ADCY6: variants seen among roughly 807,000 people sequenced by gnomAD.
ADCY6 encodes adenylate cyclase type 6.
ADCY6 carries 59 observed loss-of-function variants against 111.6 expected under a neutral mutation model. The ratio of observed to expected loss-of-function variants is 0.53; its 90% confidence interval spans 0.43 to 0.66. The LOEUF (loss-of-function observed/expected upper bound fraction) is 0.66, where lower values mean the gene tolerates loss of function less well. ADCY6 is among the 30% of genes least tolerant of loss of function. The pLI, the probability that ADCY6 is intolerant of heterozygous loss-of-function variation, is 0.00. For missense variants in ADCY6, 1,242 were observed against 1,595.6 expected (o/e 0.78, Z 3.78); for synonymous variants, 576 against 642.9 (o/e 0.90, Z 1.57).
At chr12:48,783,498 A>T (rs1941911438) in intron 1 of ADCY6, 60 bp from the exon 2 acceptor site, 1 of 1,605,226 alleles carries the variant, frequency 6.2e-7, no homozygotes, top group African/African-American at 1.3e-5. Flanking sequence ...TATTAATACC[A>T]CCATCACAGC....
chr12:48,769,224 A>G (rs1190571881), intron 20 of ADCY6, among the ~76,000 whole-genome samples, 163 bp from the exon 21 acceptor site: 1 of 152,042 alleles, frequency 6.6e-6, no homozygotes, highest in Non-Finnish European at 1.5e-5. Context: ...CCTGGCCAAC[A>G]TGGTGAAACC....
chr12:48,774,486 G>A lies in ADCY6; in HGVS notation c.2199C>T (p.Arg733=). ...LFPKALQRLS[R]SIVRSRAHST... ...TATGTGCCCGTGAGCGGACAATGCT[G>A]CGGGACAGACGTTGCAGGGCCTTAG... The change falls in exon 14 of 22, where the codon CGC becomes CGT. Residue 733 remains arginine (R), a synonymous_variant. Transcript: ENST00000357869. 1 of 1,614,008 alleles carries A rather than the reference G, an allele frequency of 6.2e-7. No individual in the cohort carries two copies. Among genetic ancestry groups the A allele is most frequent in the Non-Finnish European group, 8.5e-7 (1 of 1,179,990 alleles).
chr12:48,772,364 C>T lies in ADCY6; in HGVS notation c.2718G>A (p.Ala906=). Residue 906 remains alanine, a synonymous_variant, in exon 18 of 22, where the codon GCG becomes GCA. Coordinates refer to ENST00000357869, the MANE Select transcript of ADCY6 (RefSeq NM_015270.5). ...GCTGAGCATGCAGATACAGCGCCAG[C>T]GCAAACACCAGCAGAATCACAGGGG... ...YMTPVILLVF[A]LALYLHAQQV... The T allele has an allele frequency of 6.2e-7, 1 of 1,614,196 alleles. No homozygotes were observed. The highest frequency in any genetic ancestry group is 8.5e-7 in the Non-Finnish European group (1 of 1,180,028).
At chr12:48,778,377 G>A (rs1941762496) in intron 2 of ADCY6, 120 bp from the exon 3 acceptor site, 1 of 1,304,224 alleles carries the variant, frequency 7.7e-7, no homozygotes, top group Non-Finnish European at 1.1e-6. Context: ...CCTGCACCCT[G>A]TCTGTCCCCA....
Position 48,771,027 on chromosome 12 carries a change from C to T in ADCY6, c.3052-57G>A. 6.4e-7 allele frequency: 1 copy of T among 1,559,260 alleles called. No individual in the cohort carries two copies. The highest frequency in any genetic ancestry group is 8.8e-7 in the Non-Finnish European group (1 of 1,140,668). ...GCAAAGACCCCAGACCCAGCCCTGC[C>T]CCAACACTCATTTCTTGCCACGCCT... On this transcript the variant is annotated intron_variant, in intron 19 of 21. Transcript: ENST00000357869. The surrounding 1 kb of genome is among the most constrained non-coding windows in gnomAD (Gnocchi z 4.3).
chr12:48,776,784 G>A lies in ADCY6; in HGVS notation c.1377-198C>T, dbSNP rs1211197485. On this transcript the variant is annotated intron_variant, in intron 6 of 21. Transcript: ENST00000357869. This position sits in a 1 kb window ranked among gnomAD's most constrained non-coding sequence, Gnocchi z 6.1. ...AATGTTAAGGCTGTGTTCAACAGCA[G>A]GGGCCCAGCAGCATCTTATGGAACT... 6.6e-6 allele frequency among the ~76,000 whole-genome samples: 1 copy of A among 152,186 alleles called. No individual in the cohort carries two copies. The highest frequency in any genetic ancestry group is 1.5e-5 in the Non-Finnish European group (1 of 68,030).
chr12:48,769,547 A>G (rs1203032847), intron 20 of ADCY6, among the ~76,000 whole-genome samples: 1 of 151,112 alleles, frequency 6.6e-6, no homozygotes, highest in East Asian at 1.9e-4. Context: ...TTCCATGTCA[A>G]CCACTCTAGT....
chr12:48,770,721 G>A (rs747075862), intron 20 of ADCY6, 45 bp downstream of exon 20: 5 of 1,587,354 alleles, frequency 3.1e-6, no homozygotes, highest in African/African-American at 2.7e-5. Context: ...AGCTTCACCT[G>A]GAAAAAGTCC....
intron 3 of ADCY6, 53 bp downstream of exon 3, chr12:48,778,055 A>G (rs1177291175): frequency 9.6e-6 from 15 of 1,564,218 alleles, no homozygotes; most frequent in Non-Finnish European, 1.3e-5. Context: ...CCAATGTGCA[A>G]GTTATTTGGG....
At chr12:48,774,807 T>C (rs756115743) in intron 12 of ADCY6, 29 bp from the exon 13 acceptor site, 27 of 1,605,492 alleles carry the variant, frequency 1.7e-5, no homozygotes, top group Non-Finnish European at 2.2e-5. Context: ...AGAAAAATCA[T>C]TTAATTCTGG....
Position 48,772,406 on chromosome 12 carries a change from C to T in ADCY6, c.2676G>A (p.Val892=), listed in dbSNP as rs1216994658. 1 of 1,614,038 alleles carries T rather than the reference C, an allele frequency of 6.2e-7. No individual in the cohort carries two copies. Among genetic ancestry groups the T allele is most frequent in the Admixed American group, 1.7e-5 (1 of 60,000 alleles). ...DGLDCPAAGR[V]ALKYMTPVIL... is the part of the protein sequence containing the mutation. ...TCACAGGGGTCATATATTTGAGGGCCACCCTCCCTGCAGCTGGACTAAGGA... is the reference window on the plus strand; with the variant it reads ...TCACAGGGGTCATATATTTGAGGGCTACCCTCCCTGCAGCTGGACTAAGGA... The change falls in exon 18 of 22, where the codon GTG becomes GTA. Residue 892 remains valine (V), a synonymous_variant. Transcript: ENST00000357869.
rs534627499 is a variant in ADCY6 at position 48,782,853 on chromosome 12, G to C, written c.582C>G (p.Leu194=). 5.6e-6 allele frequency: 9 copies of C among 1,614,042 alleles called. No individual in the cohort carries two copies. The highest frequency in any genetic ancestry group is 7.6e-6 in the Non-Finnish European group (9 of 1,179,952). Residue 194 remains leucine, a synonymous_variant, in exon 2 of 22, where the codon CTC becomes CTG. Coordinates refer to ENST00000357869, the MANE Select transcript of ADCY6 (RefSeq NM_015270.5). This position sits in a 1 kb window ranked among gnomAD's most constrained non-coding sequence, Gnocchi z 4.3. ...AGCTATGCCGGTTACACACCACCAT[G>C]AGCCCCACGAACAGGGCGGCGGCAC... The part of the protein sequence containing the change: ...LACAAALFVG[L]MVVCNRHSFR...
In ADCY6 at chr12:48,782,197, C is replaced by A. The variant is rs532287250; in HGVS notation, c.864+374G>T. 1.1e-4 allele frequency among the ~76,000 whole-genome samples: 16 copies of A among 150,252 alleles called. No individual in the cohort carries two copies. The highest frequency in any genetic ancestry group is 3.3e-4 in the African/African-American group (13 of 39,578). On this transcript the variant is annotated intron_variant, in intron 2 of 21. Transcript: ENST00000357869. The surrounding 1 kb of genome is among the most constrained non-coding windows in gnomAD (Gnocchi z 4.3). ...TAAGGCCTGGACACAGCCTGCACTG[C>A]CTTTTCAGCCCCACGGTGGCCCTGG...
Position 48,782,551 on chromosome 12 carries a change from C to A in ADCY6, c.864+20G>T. The A allele has an allele frequency of 6.3e-7, 1 of 1,596,560 alleles. No homozygotes were observed. The highest frequency in any genetic ancestry group is 1.1e-5 in the South Asian group (1 of 87,040). ...ATTCCCCACCTGCTGCCCTCCATCC[C>A]TACCTCCCTGGCCACCTACCTGCTT... is the stretch of plus-strand genomic sequence containing the variant. On this transcript the variant is annotated intron_variant, in intron 2 of 21. Coordinates refer to ENST00000357869, the MANE Select transcript of ADCY6 (RefSeq NM_015270.5). This position sits in a 1 kb window ranked among gnomAD's most constrained non-coding sequence, Gnocchi z 4.3.
chr12:48,774,197 C>A (rs1941631320), intron 14 of ADCY6, 99 bp from the exon 15 acceptor site: 1 of 1,209,346 alleles, frequency 8.3e-7, no homozygotes, highest in South Asian at 1.4e-5. Flanking sequence ...TGCCCAGGTA[C>A]CTTATACCCC....
Position 48,782,511 on chromosome 12 carries a change from C to T in ADCY6, c.864+60G>A, listed in dbSNP as rs966174080. ...CCCTTCCTCACTAAGCCCCCACCTG[C>T]TTATGAGGTGAGAAATTCCCCACCT... On this transcript the variant is annotated intron_variant, in intron 2 of 21. Coordinates refer to ENST00000357869, the MANE Select transcript of ADCY6 (RefSeq NM_015270.5). The surrounding 1 kb of genome is among the most constrained non-coding windows in gnomAD (Gnocchi z 4.3). The T allele has an allele frequency of 3.2e-5, 49 of 1,550,704 alleles. No individual in the cohort carries two copies. The highest frequency in any genetic ancestry group is 4.1e-5 in the Non-Finnish European group (47 of 1,148,280).
chr12:48,771,966 CCT>C lies in ADCY6; in HGVS notation c.2793_2794del (p.Lys934GlyfsTer16), dbSNP rs755219383. The C allele has an allele frequency of 3.1e-6, 5 of 1,608,064 alleles. No homozygotes were observed. Among genetic ancestry groups the C allele is most frequent in the Admixed American group, 1.7e-5 (1 of 59,808 alleles). On this transcript the variant is annotated frameshift_variant, in exon 19 of 22. Transcript: ENST00000357869. LOFTEE classifies it high-confidence loss of function. The surrounding 1 kb of genome is among the most constrained non-coding windows in gnomAD (Gnocchi z 4.3). Reference sequence around the variant, plus strand: ...TAGCTCCTCCATCTCCTCCTTCTCCCCTGTTGCCTGTGGACACCACACCCATC... The same window carrying C: ...TAGCTCCTCCATCTCCTCCTTCTCCCGTTGCCTGTGGACACCACACCCATC...
In ADCY6 at chr12:48,783,192, C is replaced by T; in HGVS notation, c.243G>A (p.Glu81=). The change falls in exon 2 of 22, where the codon GAG becomes GAA. Residue 81 remains glutamate (E), a synonymous_variant. Transcript: ENST00000357869. ...CCAGGGCCACTGCCCGCAGCCCCAG[C>T]TCCTTGCCCTTGCCTGGGCCGCCCC... ...IRRGGPGKGK[E]LGLRAVALGF... The T allele has an allele frequency of 1.2e-6, 2 of 1,607,102 alleles. No homozygotes were observed. Among genetic ancestry groups the T allele is most frequent in the South Asian group, 1.1e-5 (1 of 91,060 alleles).
Position 48,776,052 on chromosome 12 carries a change from G to A in ADCY6, c.1717C>T (p.Arg573Trp), listed in dbSNP as rs754674745. The change falls in exon 9 of 22, where the codon CGG (arginine) becomes TGG (tryptophan). Residue 573 changes from arginine (R) to tryptophan (W), a missense_variant. Physicochemically the swap from Arg to Trp is moderately radical, Grantham distance 101. Transcript: ENST00000357869. The surrounding 1 kb of genome is among the most constrained non-coding windows in gnomAD (Gnocchi z 6.1). The part of the protein sequence containing the change: ...KAMLAKLQRT[R>W]ANSMEGLMPR... Reference sequence around the variant, plus strand: ...ATCAGCCCTTCCATGGAGTTGGCCCGAGTCCGCTGCAGCTTGGCCAGCATG... The same window carrying A: ...ATCAGCCCTTCCATGGAGTTGGCCCAAGTCCGCTGCAGCTTGGCCAGCATG... 7 of 1,613,480 alleles carry A rather than the reference G, an allele frequency of 4.3e-6. No homozygotes were observed. The highest frequency in any genetic ancestry group is 2.2e-5 in the South Asian group (2 of 90,920).
Sources: gnomAD v4.1 joint callset for allele counts (sites outside exome capture counted in the v4.1 genomes callset) on GRCh38, gnomAD v4.1.1 for gene constraint, Gnocchi (gnomAD v3.1) non-coding constraint, MANE v1.5 for transcripts, NCBI Gene and HGNC (gene_info 2026-07-23, HGNC 2026-07-21) for gene names.